The following RAB30 variants were observed in gnomAD, a reference collection of about 807,000 sequenced individuals.
RAB30 encodes the protein ras-related protein Rab-30.
RAB30 carries 9 observed loss-of-function variants against 25.1 expected under a neutral mutation model. The observed-to-expected ratio is 0.36, with a 90% CI of 0.22 to 0.63. RAB30 has a LOEUF of 0.63. RAB30 is among the 20% of genes least tolerant of loss of function. RAB30 has a pLI of 0.69. For missense variants in RAB30, 140 were observed against 243.5 expected (o/e 0.58, Z 2.83); for synonymous variants, 77 against 86.4 (o/e 0.89, Z 0.60).
chr11:83,065,526 G>A (rs115303445), intron 1 of RAB30, among the ~76,000 whole-genome samples: 1,526 of 152,260 alleles, frequency 0.01, 17 homozygotes, highest in Middle Eastern at 0.044. Flanking sequence ...CTCCCAAAGT[G>A]CTAGGATTCC....
rs145437765 is a variant in RAB30, at chr11:83,045,535, G to A, written c.-9+26156C>T. ...CACCAGGAGGTCGCAAATGAATGGA[G>A]AAGCACAATCCAAGCACTTAGTCAA... On this transcript the variant is annotated intron_variant, in intron 1 of 4. Coordinates refer to ENST00000527633, the MANE Select transcript of RAB30 (RefSeq NM_001286060.2). 2.0e-4 allele frequency among the ~76,000 whole-genome samples: 30 copies of A among 152,298 alleles called. No individual in the cohort carries two copies. The East Asian group carries it at 5.4e-3, about 27-fold the overall frequency.
In RAB30 at chr11:82,987,570, C is replaced by A. The variant is rs753597636; in HGVS notation, c.361+17G>T. ...ATGCCCACAAATCAATTTCCCTCCT[C>A]GTTAGCCCTTACTTACCCACTAACA... On this transcript the variant is annotated intron_variant, in intron 4 of 4. Coordinates refer to ENST00000527633, the MANE Select transcript of RAB30 (RefSeq NM_001286060.2). The A allele has an allele frequency of 6.3e-7, 1 of 1,589,334 alleles. No homozygotes were observed. The highest frequency in any genetic ancestry group is 8.6e-7 in the Non-Finnish European group (1 of 1,163,680).
At chr11:83,067,707 G>A (rs202068973) in intron 1 of RAB30, among the ~76,000 whole-genome samples, 1 of 152,190 alleles carries the variant, frequency 6.6e-6, no homozygotes, top group East Asian at 1.9e-4. Context: ...CAAAGTTAGT[G>A]TCGGCCGGGC....
chr11:82,977,248 A>C lies in RAB30; in HGVS notation c.*4917T>G, dbSNP rs1017189753. On this transcript the variant is annotated 3_prime_UTR_variant, in exon 5 of 5. Coordinates refer to ENST00000527633, the MANE Select transcript of RAB30 (RefSeq NM_001286060.2). The stretch of plus-strand genomic sequence containing the variant: ...AATGGACCGACAAAGCAAGTCCAGC[A>C]TAGGGCATAATGGAGGGCCAGTCTC... The C allele has an allele frequency of 1.3e-5, 2 of 152,246 alleles. No individual in the cohort carries two copies. The highest frequency in any genetic ancestry group is 3.8e-4 in the East Asian group (2 of 5,202). 9.4% of individuals were successfully genotyped at this position (152,246 alleles called of 1,614,324 possible).
chr11:82,978,540 G>T lies in RAB30; in HGVS notation c.*3625C>A, dbSNP rs1371721371. The T allele has an allele frequency of 6.6e-6, 1 of 151,286 alleles. No individual in the cohort carries two copies. The highest frequency in any genetic ancestry group is 1.9e-4 in the East Asian group (1 of 5,174). The allele number at this position is 151,286 out of a possible 1,614,324, so 9.4% of individuals were successfully genotyped here. ...TCTGATTGTGCTATTTCATTCATGT[G>T]GCTTGGCTTAAAAGAAGATGTTTCA... On this transcript the variant is annotated 3_prime_UTR_variant, in exon 5 of 5. Transcript: ENST00000527633.
chr11:82,997,278 A>G lies in RAB30; in HGVS notation c.39T>C (p.Val13=). The G allele has an allele frequency of 1.9e-6, 3 of 1,612,552 alleles. No homozygotes were observed. Among genetic ancestry groups the G allele is most frequent in the Non-Finnish European group, 2.5e-6 (3 of 1,178,554 alleles). Residue 13 remains valine (V), a synonymous_variant, in exon 2 of 5, where the codon GTT becomes GTC. Transcript: ENST00000527633. The part of the protein sequence containing the change: ...MEDYDFLFKI[V]LIGNAGVGKT... The stretch of plus-strand genomic sequence containing the variant: ...TCCCCACACCAGCGTTGCCAATTAA[A>G]ACAATTTTGAACAGGAAATCATAAT...
intron 1 of RAB30, among the ~76,000 whole-genome samples, chr11:83,027,534 A>C (rs1439666562): frequency 1.3e-5 from 2 of 152,130 alleles, no homozygotes; most frequent in Non-Finnish European, 2.9e-5. Context: ...CATCCAGATC[A>C]CCGTACCGTG....
intron 1 of RAB30, among the ~76,000 whole-genome samples, chr11:83,009,794 T>C (rs1419640352): frequency 2.0e-5 from 3 of 152,146 alleles, no homozygotes; most frequent in Non-Finnish European, 2.9e-5. Context: ...AACTTTTCAA[T>C]ACTCATCAAA....
chr11:83,034,894 C>G (rs984763021), intron 1 of RAB30: 43 of 151,228 alleles, frequency 2.8e-4, no homozygotes, highest in Non-Finnish European at 1.2e-4. Flanking sequence ...TGAGGCTCAT[C>G]AGAAGTATCA....
intron 1 of RAB30, among the ~76,000 whole-genome samples, chr11:83,047,599 T>C (rs1858260249): frequency 3.9e-5 from 6 of 152,176 alleles, no homozygotes; most frequent in African/African-American, 1.4e-4. Flanking sequence ...TAATAGAAGA[T>C]AGAGCAAGGT....
At chr11:82,993,864 C>T (rs1292258536) in intron 3 of RAB30, among the ~76,000 whole-genome samples, 175 bp downstream of exon 3, 1 of 152,200 alleles carries the variant, frequency 6.6e-6, no homozygotes, top group African/African-American at 2.4e-5. Context: ...ATCCAAAATT[C>T]CTTCCTTCCC....
intron 1 of RAB30, among the ~76,000 whole-genome samples, chr11:83,038,512 G>C (rs1858035526): frequency 6.6e-6 from 1 of 152,008 alleles, no homozygotes; most frequent in South Asian, 2.1e-4. Flanking sequence ...CCTTATGCCT[G>C]ATACATTCTA....
At chr11:83,016,328 CAG>C (rs2121505605) in intron 1 of RAB30, among the ~76,000 whole-genome samples, 1 of 152,176 alleles carries the variant, frequency 6.6e-6, no homozygotes, top group Non-Finnish European at 1.5e-5. Flanking sequence ...AGAAAAGAAA[CAG>C]AGAAACTAGG....
intron 1 of RAB30, among the ~76,000 whole-genome samples, chr11:83,025,452 A>G (rs1857687837): frequency 6.6e-6 from 1 of 152,250 alleles, no homozygotes; most frequent in Non-Finnish European, 1.5e-5. Flanking sequence ...GCATAACAAC[A>G]AGCCCTCAGG....
intron 1 of RAB30, chr11:83,034,036 A>C (rs1857934776): frequency 6.6e-6 from 1 of 152,274 alleles, no homozygotes; most frequent in Non-Finnish European, 1.5e-5. Context: ...TTCTCTCTGC[A>C]ACCCATTCCC....
chr11:82,985,861 G>A (rs554389411), intron 4 of RAB30, among the ~76,000 whole-genome samples: 2 of 152,014 alleles, frequency 1.3e-5, no homozygotes, highest in African/African-American at 4.8e-5. Flanking sequence ...ACAGGTAGAT[G>A]CCATCATGCC....
chr11:83,049,226 A>T (rs1858299836), intron 1 of RAB30, among the ~76,000 whole-genome samples: 1 of 152,096 alleles, frequency 6.6e-6, no homozygotes, highest in South Asian at 2.1e-4. Flanking sequence ...CCTGGCCAAC[A>T]TGGTGAAACC....
chr11:82,999,973 G>C (rs1209144673), intron 1 of RAB30, among the ~76,000 whole-genome samples: 1 of 152,152 alleles, frequency 6.6e-6, no homozygotes, highest in Non-Finnish European at 1.5e-5. Flanking sequence ...AGCAGCATGA[G>C]AGCAGTGACG....
At chr11:83,055,352 C>A (rs1176457692) in intron 1 of RAB30, among the ~76,000 whole-genome samples, 1 of 152,228 alleles carries the variant, frequency 6.6e-6, no homozygotes, top group South Asian at 2.1e-4. Context: ...ATGGCTGGGA[C>A]ACCCACAATT....
Sources: gnomAD v4.1 joint callset for allele counts (sites outside exome capture counted in the v4.1 genomes callset) on GRCh38, gnomAD v4.1.1 for gene constraint, MANE v1.5 for transcripts, NCBI Gene and HGNC (gene_info 2026-07-23, HGNC 2026-07-21) for gene names.